Variants in ARHGAP17 observed in about 807,000 individuals in gnomAD.
ARHGAP17 encodes Rho GTPase activating protein 17.
In ARHGAP17, 57 loss-of-function variants were observed where a neutral mutation model predicts 99.5. The observed-to-expected ratio is 0.57, with a 90% CI of 0.46 to 0.71. The LOEUF is 0.71. ARHGAP17 is among the 30% of genes least tolerant of loss of function. The probability of loss-of-function intolerance (pLI) is 0.00; values close to 1 mark genes in which losing one functional copy is unlikely to be tolerated. For missense variants in ARHGAP17, 1,000 were observed against 1,122.4 expected (o/e 0.89, Z 1.56); for synonymous variants, 417 against 429.6 (o/e 0.97, Z 0.36).
intron 4 of ARHGAP17, among the ~76,000 whole-genome samples, 166 bp downstream of exon 4, chr16:24,970,341 C>T (rs1333387101): frequency 1.3e-5 from 2 of 152,230 alleles, no homozygotes; most frequent in South Asian, 2.1e-4. Flanking sequence ...AGCAACCTGG[C>T]GGCCTTGACC....
At chr16:25,005,008 G>A (rs1471379617) in intron 1 of ARHGAP17, among the ~76,000 whole-genome samples, 1 of 152,228 alleles carries the variant, frequency 6.6e-6, no homozygotes, top group Non-Finnish European at 1.5e-5. Context: ...TCGGCCTCCT[G>A]GGTCCAAGCC....
At chr16:24,933,193 G>A (rs1267547772) in intron 18 of ARHGAP17, among the ~76,000 whole-genome samples, 1 of 151,778 alleles carries the variant, frequency 6.6e-6, no homozygotes, top group African/African-American at 2.4e-5. Flanking sequence ...TGTTTACAGG[G>A]CCCAGAATTC....
chr16:25,000,790 T>C (rs1034026147), intron 1 of ARHGAP17, among the ~76,000 whole-genome samples: 1 of 152,216 alleles, frequency 6.6e-6, no homozygotes, highest in Non-Finnish European at 1.5e-5. Context: ...AAATCTAAAG[T>C]GCATTGCAAT....
At chr16:24,948,590 G>T (rs1338544589) in intron 13 of ARHGAP17, among the ~76,000 whole-genome samples, 1 of 152,086 alleles carries the variant, frequency 6.6e-6, no homozygotes, top group African/African-American at 2.4e-5. Flanking sequence ...CTGAATAGAG[G>T]AAGAGTATCT....
intron 14 of ARHGAP17, among the ~76,000 whole-genome samples, chr16:24,944,764 C>G (rs1028807008): frequency 6.6e-6 from 1 of 151,940 alleles, no homozygotes; most frequent in Non-Finnish European, 1.5e-5. Context: ...CTACAGGCAC[C>G]TGCCACCGCG....
chr16:24,947,063 A>G (rs2051494492), intron 14 of ARHGAP17, among the ~76,000 whole-genome samples: 1 of 152,230 alleles, frequency 6.6e-6, no homozygotes, highest in Non-Finnish European at 1.5e-5. Flanking sequence ...GCTGGGCATT[A>G]AAATGTAAAA....
chr16:24,962,613 T>C (rs565055227), intron 7 of ARHGAP17, among the ~76,000 whole-genome samples: 2 of 152,196 alleles, frequency 1.3e-5, no homozygotes, highest in South Asian at 2.1e-4. Context: ...CAATCCCTGA[T>C]AGTCCCACAG....
intron 1 of ARHGAP17, among the ~76,000 whole-genome samples, chr16:24,989,625 A>T (rs2052977701): frequency 6.6e-6 from 1 of 152,170 alleles, no homozygotes; most frequent in Non-Finnish European, 1.5e-5. Context: ...GTAAAGAAGT[A>T]TGAAGGCTCT....
intron 9 of ARHGAP17, 121 bp downstream of exon 9, chr16:24,959,550 C>T (rs2051918562): frequency 1.1e-6 from 1 of 880,250 alleles, no homozygotes; most frequent in African/African-American, 1.7e-5. Flanking sequence ...GAAACAGTAC[C>T]CTCCTAGGCA....
chr16:24,996,353 G>A (rs1315536484), intron 1 of ARHGAP17, among the ~76,000 whole-genome samples: 1 of 152,128 alleles, frequency 6.6e-6, no homozygotes, highest in African/African-American at 2.4e-5. Context: ...AGGAGCGAGA[G>A]TCTTCTGGGG....
chr16:24,965,866 A>G (rs1389648561), intron 6 of ARHGAP17, among the ~76,000 whole-genome samples: 1 of 152,262 alleles, frequency 6.6e-6, no homozygotes, highest in African/African-American at 2.4e-5. Context: ...TCTGGCATAT[A>G]ATGGATTCCT....
chr16:25,011,434 G>A (rs1211782671), intron 1 of ARHGAP17, among the ~76,000 whole-genome samples: 1 of 152,212 alleles, frequency 6.6e-6, no homozygotes, highest in Non-Finnish European at 1.5e-5. Flanking sequence ...GCCAGGCGCA[G>A]TGGCTCATGC....
intron 7 of ARHGAP17, among the ~76,000 whole-genome samples, chr16:24,961,972 G>GTTTTTTT (rs59272654): frequency 3.7e-5 from 5 of 136,790 alleles, no homozygotes; most frequent in Non-Finnish European, 7.7e-5. Flanking sequence ...GAGAGAGTTT[G>GTTTTTTT]TTTTTTTTTT....
At chr16:24,978,816 T>A (rs112271016) in intron 2 of ARHGAP17, 150 bp downstream of exon 2, 4 of 537,404 alleles carry the variant, frequency 7.4e-6, no homozygotes, top group African/African-American at 7.2e-5. Flanking sequence ...AACAAAACTG[T>A]TTTCTTTCCT....
rs2051335702 is a variant in ARHGAP17 at position 24,942,263 on chromosome 16, A to G, written c.1334-120T>C. 3 of 1,014,298 alleles carry G rather than the reference A, an allele frequency of 3.0e-6. No individual in the cohort carries two copies. In the South Asian group the frequency reaches 5.0e-5, roughly 17 times the overall value. 62.8% of individuals were successfully genotyped at this position (1,014,298 alleles called of 1,614,324 possible). On this transcript the variant is annotated intron_variant, in intron 15 of 19. Transcript: ENST00000289968. ...TCAGTCCACAGCCCTCACTATTTCA[A>G]AGTGGAAGCTCCAGGCACTCACATC...
intron 19 of ARHGAP17, chr16:24,920,982 T>C (rs2050706197): frequency 6.6e-6 from 1 of 152,270 alleles, no homozygotes; most frequent in Non-Finnish European, 1.5e-5. Flanking sequence ...TTTTCATGTC[T>C]TATTATGTTG....
At chr16:24,975,183 A>G (rs887553082) in intron 3 of ARHGAP17, among the ~76,000 whole-genome samples, 1 of 152,186 alleles carries the variant, frequency 6.6e-6, no homozygotes, top group Non-Finnish European at 1.5e-5. Flanking sequence ...AATATAAGAA[A>G]GCCCCCCAGT....
intron 12 of ARHGAP17, 99 bp from the exon 13 acceptor site, chr16:24,949,583 G>A (rs969255550): frequency 9.9e-7 from 1 of 1,012,568 alleles, no homozygotes; most frequent in Admixed American, 2.4e-5. Context: ...GACAGAGAAA[G>A]CACAGTTGGA....
At chr16:24,951,551 G>A (rs1168749130) in intron 12 of ARHGAP17, among the ~76,000 whole-genome samples, 2 of 152,048 alleles carry the variant, frequency 1.3e-5, no homozygotes, top group Non-Finnish European at 2.9e-5. Context: ...CAGATGAACT[G>A]CCACCCCTGA....
Sources: gnomAD v4.1 joint callset for allele counts (sites outside exome capture counted in the v4.1 genomes callset) on GRCh38, gnomAD v4.1.1 for gene constraint, MANE v1.5 for transcripts, NCBI Gene and HGNC (gene_info 2026-07-23, HGNC 2026-07-21) for gene names.